NIPSNAP3A: variants seen among roughly 807,000 people sequenced by gnomAD.
NIPSNAP3A encodes the protein protein NipSnap homolog 3A.
Under a neutral mutation model 32.3 loss-of-function variants are expected in NIPSNAP3A, and 27 were observed. The observed-to-expected ratio is 0.84, with a 90% CI of 0.62 to 1.15. The LOEUF (loss-of-function observed/expected upper bound fraction) is 1.15. NIPSNAP3A is among the 50% of genes most tolerant of loss of function. The pLI, the probability that NIPSNAP3A is intolerant of heterozygous loss-of-function variation, is 0.00. For missense variants in NIPSNAP3A, 278 were observed against 297.2 expected (o/e 0.94, Z 0.48); for synonymous variants, 108 against 107.3 (o/e 1.01, Z -0.04).
intron 4 of NIPSNAP3A, 127 bp downstream of exon 4, chr9:104,754,827 AT>A (rs1207290520): frequency 1.8e-5 from 13 of 728,434 alleles, no homozygotes; most frequent in Non-Finnish European, 2.7e-5. Context: ...GTTTTTTGTA[AT>A]TTTTAAAATT....
At chr9:104,754,403 G>A in intron 3 of NIPSNAP3A, 148 bp from the exon 4 acceptor site, 2 of 659,284 alleles carry the variant, frequency 3.0e-6, no homozygotes, top group Non-Finnish European at 5.2e-6. Context: ...AGCAGAGAGT[G>A]CAAATATAAT....
chr9:104,758,817 A>C (rs1212510371), intron 4 of NIPSNAP3A, among the ~76,000 whole-genome samples: 1 of 151,552 alleles, frequency 6.6e-6, no homozygotes, highest in Non-Finnish European at 1.5e-5. Flanking sequence ...AAAAAAAAAA[A>C]AAATTAGCCG....
chr9:104,757,845 A>G (rs1827924247), intron 4 of NIPSNAP3A, among the ~76,000 whole-genome samples: 1 of 152,114 alleles, frequency 6.6e-6, no homozygotes. Flanking sequence ...TGAGGCTAGG[A>G]GTTCGAGACC....
chr9:104,751,014 G>A lies in NIPSNAP3A; in HGVS notation c.119G>A (p.Arg40His), dbSNP rs760541156. ...RQYDGIFYEF[R>H]SYYLKPSKMN... ...TACGATGGAATATTCTATGAATTTC[G>A]TTCTTATTACCTTAAGCCCTCAAAG... Residue 40 changes from arginine (R) to histidine (H), a missense_variant, in exon 2 of 6, where the codon CGT becomes CAT. Arg to His is a conservative substitution (Grantham distance 29). Transcript: ENST00000374767. The A allele has an allele frequency of 1.9e-5, 31 of 1,613,798 alleles. No individual in the cohort carries two copies. Among genetic ancestry groups the A allele is most frequent in the East Asian group, 1.3e-4 (6 of 44,856 alleles).
At chr9:104,756,387 T>C (rs944745273) in intron 4 of NIPSNAP3A, among the ~76,000 whole-genome samples, 3 of 152,034 alleles carry the variant, frequency 2.0e-5, no homozygotes, top group African/African-American at 7.2e-5. Context: ...GCTCAAACTA[T>C]CTGGATGCCT....
At position 104,759,466 on chromosome 9, in the gene NIPSNAP3A, G is replaced by T. The variant is rs1208628087; in HGVS notation, c.*128G>T. ...GTTAAGTTAATTTGCTATGTTTCTT[G>T]CATTATGAAGGCTACATCTGTGCTT... On this transcript the variant is annotated 3_prime_UTR_variant, in exon 6 of 6. Coordinates refer to ENST00000374767, the MANE Select transcript of NIPSNAP3A (RefSeq NM_015469.3). The T allele has an allele frequency of 6.9e-6, 6 of 868,336 alleles. No individual in the cohort carries two copies. Among genetic ancestry groups the T allele is most frequent in the Admixed American group, 2.1e-5 (1 of 47,386 alleles). 53.8% of individuals were successfully genotyped at this position (868,336 alleles called of 1,614,324 possible). A position where few individuals can be genotyped will look rare whatever the true frequency, so the allele number is the denominator to read the frequency against.
chr9:104,748,319 G>C (rs1033761552), intron 1 of NIPSNAP3A, among the ~76,000 whole-genome samples: 3 of 152,164 alleles, frequency 2.0e-5, no homozygotes, highest in African/African-American at 4.8e-5. Context: ...CGCTTGCCAC[G>C]GAACCGGCCT....
At chr9:104,759,231 C>T in intron 5 of NIPSNAP3A, 31 bp from the exon 6 acceptor site, 3 of 1,613,960 alleles carry the variant, frequency 1.9e-6, no homozygotes, top group Non-Finnish European at 2.5e-6. Context: ...GTCAGTAACT[C>T]TATATGCCTT....
chr9:104,749,309 A>C (rs1402755971), intron 1 of NIPSNAP3A, among the ~76,000 whole-genome samples: 2 of 152,226 alleles, frequency 1.3e-5, no homozygotes, highest in East Asian at 3.8e-4. Context: ...GGGCAGCTGC[A>C]GCTGTTTTTG....
chr9:104,748,300 T>C lies in NIPSNAP3A; in HGVS notation c.60+448T>C, dbSNP rs556891074. On this transcript the variant is annotated intron_variant, in intron 1 of 5. Transcript: ENST00000374767. The stretch of plus-strand genomic sequence containing the variant: ...GACATCAGGTTGAAGGAGGGAATTG[T>C]CAACCAGCCGCTTGCCACGGAACCG... 1.7e-4 allele frequency among the ~76,000 whole-genome samples: 26 copies of C among 152,278 alleles called. 1 individual carries two copies. The highest frequency in any genetic ancestry group is 1.7e-3 in the South Asian group (8 of 4,830).
chr9:104,759,106 A>C lies in NIPSNAP3A; in HGVS notation c.602A>C (p.Glu201Ala), dbSNP rs747619972. 1.2e-6 allele frequency: 2 copies of C among 1,611,926 alleles called. No homozygotes were observed. Among genetic ancestry groups the C allele is most frequent in the Non-Finnish European group, 1.7e-6 (2 of 1,178,994 alleles). The change falls in exon 5 of 6, where the codon GAG becomes GCG. Residue 201 changes from glutamate (E) to alanine (A), a missense_variant. By Grantham distance (107) the Glu-to-Ala change is moderately radical (BLOSUM62 -1). Transcript: ENST00000374767. ...LNRVHVLWWNESADSRAAGRH... is the reference protein window; with the variant it reads ...LNRVHVLWWNASADSRAAGRH... ...GCAGTTCATGTTCTTTGGTGGAATG[A>C]GAGTGCAGATAGTCGTGCAGCTGGG...
In NIPSNAP3A at chr9:104,751,693, CTG is replaced by C. The variant is rs1339988747; in HGVS notation, c.271+528_271+529del. On this transcript the variant is annotated intron_variant, in intron 2 of 5. Coordinates refer to ENST00000374767, the MANE Select transcript of NIPSNAP3A (RefSeq NM_015469.3). Reference sequence around the variant, plus strand: ...GTTAACTTTCAATCCTCACTGAACTCTGAGATTTAATAATTCTGTTATGTTTA... The same window carrying C: ...GTTAACTTTCAATCCTCACTGAACTCAGATTTAATAATTCTGTTATGTTTA... Among the ~76,000 whole-genome samples the C allele has an allele frequency of 4.6e-5, 7 of 152,224 alleles. No homozygotes were observed. In the South Asian group the frequency reaches 1.0e-3, roughly 23 times the overall value.
chr9:104,749,204 A>G (rs1827816990), intron 1 of NIPSNAP3A, among the ~76,000 whole-genome samples: 1 of 152,234 alleles, frequency 6.6e-6, no homozygotes, highest in Admixed American at 6.5e-5. Flanking sequence ...TATTATAATA[A>G]TTTTGAAATT....
rs1042124811 is a variant in NIPSNAP3A, at chr9:104,754,849, G to C, written c.580+149G>C. ...GTAATTTTTAAAATTGAGAAAATCT[G>C]TTTTACATCTTATTTATTTAGAATG... On this transcript the variant is annotated intron_variant, in intron 4 of 5. Coordinates refer to ENST00000374767, the MANE Select transcript of NIPSNAP3A (RefSeq NM_015469.3). 12 of 648,218 alleles carry C rather than the reference G, an allele frequency of 1.9e-5. No individual in the cohort carries two copies. In the Admixed American group the frequency reaches 3.5e-4, roughly 19 times the overall value. The allele number at this position is 648,218 out of a possible 1,614,324, so 40.2% of individuals were successfully genotyped here.
intron 3 of NIPSNAP3A, chr9:104,753,644 A>G (rs1254132500): frequency 6.5e-6 from 1 of 152,886 alleles, no homozygotes; most frequent in Non-Finnish European, 1.5e-5. Context: ...TGACTTAAAG[A>G]AACTATTACC....
intron 3 of NIPSNAP3A, chr9:104,753,697 C>CT (rs1198981282): frequency 6.6e-6 from 1 of 152,366 alleles, no homozygotes; most frequent in Non-Finnish European, 1.5e-5. Flanking sequence ...AAAGCATAAA[C>CT]TTATTTAAAT....
chr9:104,758,679 G>A (rs1827933189), intron 4 of NIPSNAP3A, among the ~76,000 whole-genome samples: 1 of 151,716 alleles, frequency 6.6e-6, no homozygotes, highest in African/African-American at 2.4e-5. Context: ...GATGGTTTTG[G>A]CCAAGCGCGG....
chr9:104,753,546 T>C (rs1827871393), intron 3 of NIPSNAP3A: 1 of 154,160 alleles, frequency 6.5e-6, no homozygotes, highest in South Asian at 2.0e-4. Context: ...GCTATATTAC[T>C]TTAATCTAAC....
chr9:104,758,058 C>T (rs984931258), intron 4 of NIPSNAP3A, among the ~76,000 whole-genome samples: 1 of 151,962 alleles, frequency 6.6e-6, no homozygotes, highest in Admixed American at 6.6e-5. Flanking sequence ...ATAAAAACTT[C>T]ATAAGCAATT....
Sources: allele counts gnomAD v4.1 joint callset (sites outside exome capture counted in the v4.1 genomes callset), GRCh38; gene constraint gnomAD v4.1.1; transcripts MANE v1.5; gene names NCBI Gene and HGNC (gene_info 2026-07-23, HGNC 2026-07-21).